FRMPD1: variants seen among roughly 807,000 people sequenced by gnomAD.
The protein encoded by FRMPD1 is FERM and PDZ domain-containing protein 1.
In FRMPD1, 76 loss-of-function variants were observed where a neutral mutation model predicts 117.8. That is an observed-to-expected ratio of 0.65 (90% CI 0.54 to 0.78). The LOEUF (loss-of-function observed/expected upper bound fraction) is 0.78. Among genes scored for constraint, FRMPD1 ranks in the 30% least tolerant of loss-of-function variants. FRMPD1 has a pLI of 0.00. For missense variants in FRMPD1, 1,786 were observed against 1,964.5 expected (o/e 0.91, Z 1.72); for synonymous variants, 783 against 770.4 (o/e 1.02, Z -0.27).
In FRMPD1 at chr9:37,740,017, T is replaced by C; in HGVS notation, c.1550-61T>C. On this transcript the variant is annotated intron_variant, in intron 14 of 15. Coordinates refer to ENST00000377765, the MANE Select transcript of FRMPD1 (RefSeq NM_014907.3). This position sits in a 1 kb window ranked among gnomAD's most constrained non-coding sequence, Gnocchi z 4.2. The stretch of plus-strand genomic sequence containing the variant: ...CAGGGTTGGGTGGGGGTCAGGGGGC[T>C]AGAAGGACACATAGGTAGGAGAATT... 5 of 1,284,704 alleles carry C rather than the reference T, an allele frequency of 3.9e-6. No homozygotes were observed. The highest frequency in any genetic ancestry group is 5.4e-6 in the Non-Finnish European group (5 of 918,886). 79.6% of individuals were successfully genotyped at this position (1,284,704 alleles called of 1,614,324 possible).
chr9:37,627,075 C>T, the FRMPD1 span, among the ~76,000 whole-genome samples: 1 of 115,730 alleles, frequency 8.6e-6, no homozygotes, highest in Non-Finnish European at 2.0e-5. Context: ...GGTTTTCCTG[C>T]GTTTTCCCAG....
Position 37,740,074 on chromosome 9 carries a change from G to T in FRMPD1, c.1550-4G>T. On this transcript the variant is annotated splice_polypyrimidine_tract_variant and splice_region_variant and intron_variant, in intron 14 of 15. Coordinates refer to ENST00000377765, the MANE Select transcript of FRMPD1 (RefSeq NM_014907.3). The surrounding 1 kb of genome is among the most constrained non-coding windows in gnomAD (Gnocchi z 4.2). ...TGTAACTGTTGCTGTACCCTGTGTTGCAGGCTATGAATCCAGGGCCTGCAG... is the reference window on the plus strand; with the variant it reads ...TGTAACTGTTGCTGTACCCTGTGTTTCAGGCTATGAATCCAGGGCCTGCAG... The T allele has an allele frequency of 6.3e-7, 1 of 1,583,360 alleles. No homozygotes were observed. Among genetic ancestry groups the T allele is most frequent in the Non-Finnish European group, 8.6e-7 (1 of 1,162,454 alleles).
chr9:37,688,808 A>C, intron 1 of FRMPD1, among the ~76,000 whole-genome samples: 1 of 152,108 alleles, frequency 6.6e-6, no homozygotes, highest in East Asian at 1.9e-4. Flanking sequence ...ACATCTATAC[A>C]TGTGTAAGCA....
intron 5 of FRMPD1, among the ~76,000 whole-genome samples, chr9:37,717,190 A>C (rs1177250850): frequency 1.3e-5 from 2 of 152,022 alleles, no homozygotes; most frequent in African/African-American, 2.4e-5. Context: ...CAAAGGAAAA[A>C]TGAACTTGAT....
intron 2 of FRMPD1, among the ~76,000 whole-genome samples, chr9:37,698,899 C>A (rs925703663): frequency 6.6e-6 from 1 of 151,962 alleles, no homozygotes; most frequent in African/African-American, 2.4e-5. Flanking sequence ...CCACCACACC[C>A]GGCTAACTTT....
At chr9:37,707,265 G>T in intron 2 of FRMPD1, 151 bp from the exon 3 acceptor site, 1 of 602,748 alleles carries the variant, frequency 1.7e-6, no homozygotes, top group South Asian at 2.3e-5. Context: ...CCTAAGTTCT[G>T]CTAGTGGAGT....
intron 13 of FRMPD1, among the ~76,000 whole-genome samples, chr9:37,736,003 A>ATT (rs199807390): frequency 0.015 from 2,117 of 144,360 alleles, 39 homozygotes; most frequent in African/African-American, 0.043. Flanking sequence ...ACACCAGAGG[A>ATT]TTTTTTTTTT....
the FRMPD1 span, among the ~76,000 whole-genome samples, chr9:37,638,026 C>T: frequency 0.046 from 2,164 of 47,110 alleles, 300 homozygotes; most frequent in East Asian, 0.23. Flanking sequence ...CTTTCTTTCT[C>T]TCTCTTTCTT....
chr9:37,732,791 T>A (rs537652671), intron 10 of FRMPD1, among the ~76,000 whole-genome samples: 35 of 152,298 alleles, frequency 2.3e-4, no homozygotes, highest in African/African-American at 7.9e-4. Context: ...ATGAACCAGT[T>A]CCTATTGCAT....
At chr9:37,724,634 T>A (rs1313191449) in intron 7 of FRMPD1, among the ~76,000 whole-genome samples, 1 of 152,182 alleles carries the variant, frequency 6.6e-6, no homozygotes. Flanking sequence ...TCCCTGCCAT[T>A]TGTCTGTGAC....
chr9:37,692,380 A>G (rs556113537), intron 1 of FRMPD1, among the ~76,000 whole-genome samples: 4 of 152,228 alleles, frequency 2.6e-5, no homozygotes, highest in African/African-American at 7.2e-5. Context: ...AACGTTATCT[A>G]TTTTACTCTC....
chr9:37,618,213 A>G, the FRMPD1 span, among the ~76,000 whole-genome samples: 1 of 152,244 alleles, frequency 6.6e-6, no homozygotes, highest in Admixed American at 6.5e-5. Context: ...CAGGATTAAA[A>G]CAAAAAGGAC....
intron 1 of FRMPD1, among the ~76,000 whole-genome samples, chr9:37,665,837 G>A (rs914005959): frequency 5.9e-5 from 9 of 152,178 alleles, no homozygotes; most frequent in African/African-American, 1.2e-4. Context: ...GACCCCAGCA[G>A]CCACATGTGA....
the FRMPD1 span, among the ~76,000 whole-genome samples, chr9:37,608,824 C>T: frequency 6.6e-6 from 1 of 152,194 alleles, no homozygotes; most frequent in Non-Finnish European, 1.5e-5. Context: ...CCTGTGTACA[C>T]TGAAAGTTTC....
intron 1 of FRMPD1, among the ~76,000 whole-genome samples, chr9:37,667,707 G>T (rs955220993): frequency 6.8e-6 from 1 of 147,676 alleles, no homozygotes; most frequent in African/African-American, 2.5e-5. Context: ...AAAAAAGAAG[G>T]TTACCCCTGT....
intron 1 of FRMPD1, among the ~76,000 whole-genome samples, chr9:37,651,833 G>C (rs554260976): frequency 4.1e-4 from 62 of 152,350 alleles, no homozygotes; most frequent in African/African-American, 1.5e-3. Flanking sequence ...GTTGTTCGCT[G>C]TCTCTTTCAG....
At chr9:37,695,017 A>AGATT (rs1239395134) in intron 2 of FRMPD1, among the ~76,000 whole-genome samples, 1 of 151,912 alleles carries the variant, frequency 6.6e-6, no homozygotes, top group Admixed American at 6.6e-5. Context: ...ATAGATAGAT[A>AGATT]GATAGATAGA....
chr9:37,733,306 AGAGT>A (rs1823973757), intron 10 of FRMPD1, among the ~76,000 whole-genome samples, 163 bp from the exon 11 acceptor site: 1 of 152,068 alleles, frequency 6.6e-6, no homozygotes, highest in Non-Finnish European at 1.5e-5. Context: ...ATTTTTGTGG[AGAGT>A]GTGTGTATGT....
the FRMPD1 span, among the ~76,000 whole-genome samples, chr9:37,608,689 A>G: frequency 6.6e-6 from 1 of 152,302 alleles, no homozygotes. Flanking sequence ...TGACACAGAA[A>G]CAACTTATTA....
Sources: gnomAD v4.1 joint callset for allele counts (sites outside exome capture counted in the v4.1 genomes callset) on GRCh38, gnomAD v4.1.1 for gene constraint, Gnocchi (gnomAD v3.1) non-coding constraint, MANE v1.5 for transcripts, NCBI Gene and HGNC (gene_info 2026-07-23, HGNC 2026-07-21) for gene names.